ZNF75A: variants seen among roughly 807,000 people sequenced by gnomAD.
ZNF75A encodes the protein zinc finger protein 75A.
In ZNF75A, 36 loss-of-function variants were observed where a neutral mutation model predicts 46.3. That is an observed-to-expected ratio of 0.78 (90% CI 0.60 to 1.03). The LOEUF is 1.03. Among genes scored for constraint, ZNF75A ranks in the 50% least tolerant of loss-of-function variants. The pLI is 0.00. For missense variants in ZNF75A, 595 were observed against 551.3 expected, an observed-to-expected ratio of 1.08 and a Z score of -0.79; for synonymous variants, 234 against 189.9, an observed-to-expected ratio of 1.23 and a Z score of -1.91.
At chr16:3,306,215 A>G (rs1960219768) in intron 1 of ZNF75A, 1 of 152,170 alleles carries the variant, frequency 6.6e-6, no homozygotes, top group Non-Finnish European at 1.5e-5. Flanking sequence ...TTAGAAGTCT[A>G]AATGACCTTT....
intron 5 of ZNF75A, among the ~76,000 whole-genome samples, 180 bp downstream of exon 5, chr16:3,313,355 C>G (rs1960954776): frequency 6.6e-6 from 1 of 152,184 alleles, no homozygotes; most frequent in Non-Finnish European, 1.5e-5. Flanking sequence ...AATGTACATG[C>G]CGATTGCTTA....
intron 5 of ZNF75A, chr16:3,315,090 C>T (rs1403441115): frequency 2.0e-6 from 2 of 985,264 alleles, no homozygotes; most frequent in Non-Finnish European, 1.2e-6. Flanking sequence ...TGATCCCTTC[C>T]CTTTCCCTTT....
downstream of ZNF75A, among the ~76,000 whole-genome samples, chr16:3,321,309 A>G (rs1222836641): frequency 6.6e-6 from 1 of 152,158 alleles, no homozygotes; most frequent in Non-Finnish European, 1.5e-5. Flanking sequence ...TTATTTTAGC[A>G]TGTTCAGATA....
In ZNF75A at chr16:3,317,626, A is replaced by T. The variant is rs759296112; in HGVS notation, c.1371A>T (p.Pro457=). The change falls in exon 7 of 7, where the codon CCA becomes CCT. Residue 457 remains proline, a synonymous_variant. Coordinates refer to ENST00000669516, the MANE Select transcript of ZNF75A (RefSeq NM_001302109.2). ...KHLTTHQGIK[P]YKCSWCGKSF... ...TAACAACACACCAAGGAATAAAACC[A>T]TATAAATGTTCATGGTGTGGGAAAA... The T allele has an allele frequency of 6.2e-7, 1 of 1,614,066 alleles. No homozygotes were observed. The highest frequency in any genetic ancestry group is 1.3e-5 in the African/African-American group (1 of 74,940).
At position 3,313,263 on chromosome 16, in the gene ZNF75A, C is replaced by G. The variant is rs56997961; in HGVS notation, c.823+88C>G. On this transcript the variant is annotated intron_variant, in intron 5 of 6. Transcript: ENST00000669516. ...CCCCAGTGAGGGGTGTCTTACTGTTCCAGGAGCTGGTTGATTCTCATCTAG... is the reference window on the plus strand; with the variant it reads ...CCCCAGTGAGGGGTGTCTTACTGTTGCAGGAGCTGGTTGATTCTCATCTAG... 6.9e-3 allele frequency: 9,504 copies of G among 1,385,416 alleles called. 517 individuals are homozygous for G. In the African/African-American group the frequency reaches 0.12, roughly 17 times the overall value. 85.8% of individuals were successfully genotyped at this position (1,385,416 alleles called of 1,614,324 possible).
chr16:3,313,116 C>G lies in ZNF75A; in HGVS notation c.764C>G (p.Thr255Ser). The G allele has an allele frequency of 6.2e-7, 1 of 1,613,638 alleles. No homozygotes were observed. The highest frequency in any genetic ancestry group is 2.2e-5 in the East Asian group (1 of 44,886). The change falls in exon 5 of 7, where the codon ACT becomes AGT. Residue 255 changes from threonine (T) to serine (S), a missense_variant. Thr to Ser is a moderately conservative substitution (Grantham distance 58, BLOSUM62 1). Transcript: ENST00000669516. ...SQEEWELLDP[T>S]QKALYNDVMQ... is the part of the protein sequence containing the mutation. The stretch of plus-strand genomic sequence containing the variant: ...GAAGAATGGGAGTTATTGGATCCCA[C>G]TCAGAAGGCCCTCTACAATGATGTA...
rs1260450769 is a variant in ZNF75A at position 3,317,009 on chromosome 16, A to G, written c.921A>G (p.Gly307=). Reference sequence around the variant, plus strand: ...CCCCGGAGTTTAAGGATAGTGCCGGAAAATCTCCTACAGGTAAATATACCA... The same window carrying G: ...CCCCGGAGTTTAAGGATAGTGCCGGGAAATCTCCTACAGGTAAATATACCA... The part of the protein sequence containing the change: ...QVSPEFKDSA[G]KSPTGLKLKN... Residue 307 remains glycine (G), a synonymous_variant, in exon 6 of 7, where the codon GGA becomes GGG. Transcript: ENST00000669516. 4 of 1,613,698 alleles carry G rather than the reference A, an allele frequency of 2.5e-6. No homozygotes were observed. Among genetic ancestry groups the G allele is most frequent in the Non-Finnish European group, 3.4e-6 (4 of 1,179,638 alleles).
intron 2 of ZNF75A, chr16:3,310,593 C>T: frequency 1.1e-6 from 1 of 870,768 alleles, no homozygotes; most frequent in Non-Finnish European, 1.4e-6. Flanking sequence ...ACCACTGTAC[C>T]CCAGCCTGGG....
chr16:3,308,574 G>C lies in ZNF75A; in HGVS notation c.146G>C (p.Trp49Ser), dbSNP rs1291309084. ...TGTCTCGATCCTAAGAGCTCTTGCT[G>C]GCACTTCCGGAATTTCACCTATGAT... ...MDCLDPKSSC[W>S]HFRNFTYDEA... Residue 49 changes from tryptophan (W) to serine (S), a missense_variant, in exon 2 of 7, where the codon TGG (tryptophan) becomes TCG (serine). By Grantham distance (177) the Trp-to-Ser change is radical. Transcript: ENST00000669516. 1 of 985,918 alleles carries C rather than the reference G, an allele frequency of 1.0e-6. No homozygotes were observed. The highest frequency in any genetic ancestry group is 1.2e-6 in the Non-Finnish European group (1 of 829,994). The allele number at this position is 985,918 out of a possible 1,614,324, so 61.1% of individuals were successfully genotyped here.
chr16:3,321,165 T>TA (rs1290897076), downstream of ZNF75A, among the ~76,000 whole-genome samples: 2 of 152,216 alleles, frequency 1.3e-5, no homozygotes, highest in African/African-American at 4.8e-5. Flanking sequence ...AGGCTTGCTT[T>TA]AAAAATGAAA....
At chr16:3,320,528 G>A (rs956480288), downstream of ZNF75A, among the ~76,000 whole-genome samples, 11 of 152,220 alleles carry the variant, frequency 7.2e-5, no homozygotes, top group African/African-American at 2.7e-4. Context: ...TCCCAAGACT[G>A]TAGATGATAG....
intron 2 of ZNF75A, 30 bp from the exon 3 acceptor site, chr16:3,311,723 T>G (rs1308987846): frequency 3.8e-6 from 4 of 1,039,038 alleles, no homozygotes; most frequent in South Asian, 3.6e-5. Flanking sequence ...AAGTAAGTTC[T>G]GTGGTAACAA....
chr16:3,308,935 G>A (rs1960493156), intron 2 of ZNF75A, 99 bp downstream of exon 2: 1 of 794,200 alleles, frequency 1.3e-6, no homozygotes, highest in African/African-American at 1.9e-5. Flanking sequence ...GATTAGGTAG[G>A]TCATTGTTTG....
chr16:3,317,939 A>G lies in ZNF75A; in HGVS notation c.*70A>G. The G allele has an allele frequency of 2.7e-6, 4 of 1,501,174 alleles. No homozygotes were observed. Among genetic ancestry groups the G allele is most frequent in the Non-Finnish European group, 2.7e-6 (3 of 1,129,244 alleles). 93.0% of individuals were successfully genotyped at this position (1,501,174 alleles called of 1,614,324 possible). ...TGGAGCTTGGCACTAAAATTTATGTAAAAGAAAAATCACAAACCTTGAAAA... is the reference window on the plus strand; with the variant it reads ...TGGAGCTTGGCACTAAAATTTATGTGAAAGAAAAATCACAAACCTTGAAAA... On this transcript the variant is annotated 3_prime_UTR_variant, in exon 7 of 7. Transcript: ENST00000669516.
Position 3,317,889 on chromosome 16 carries a change from C to G in ZNF75A, c.*20C>G, listed in dbSNP as rs1296115807. 1 of 1,557,440 alleles carries G rather than the reference C, an allele frequency of 6.4e-7. No homozygotes were observed. The highest frequency in any genetic ancestry group is 1.4e-5 in the African/African-American group (1 of 72,612). Reference sequence around the variant, plus strand: ...CTGTGAAGAGAAGCTTGTCCAGTGTCCTCATTCTGAAGACATTCACCAAAT... The same window carrying G: ...CTGTGAAGAGAAGCTTGTCCAGTGTGCTCATTCTGAAGACATTCACCAAAT... On this transcript the variant is annotated 3_prime_UTR_variant, in exon 7 of 7. Transcript: ENST00000669516.
In ZNF75A at chr16:3,308,639, G is replaced by T; in HGVS notation, c.211G>T (p.Glu71Ter). 1 of 987,116 alleles carries T rather than the reference G, an allele frequency of 1.0e-6. No individual in the cohort carries two copies. The highest frequency in any genetic ancestry group is 4.6e-5 in the South Asian group (1 of 21,908). The allele number at this position is 987,116 out of a possible 1,614,324, so 61.1% of individuals were successfully genotyped here. A position where few individuals can be genotyped will look rare whatever the true frequency, so the allele number is the denominator to read the frequency against. Residue 71 changes from glutamate (E) to a stop codon, truncating the protein, a stop_gained, in exon 2 of 7, where the codon GAA becomes TAA. Coordinates refer to ENST00000669516, the MANE Select transcript of ZNF75A (RefSeq NM_001302109.2). LOFTEE classifies it high-confidence loss of function. ...GPREAVSKLQ[E>*]LCHLWLKPEI... The stretch of plus-strand genomic sequence containing the variant: ...CCGTGAGGCTGTCAGCAAACTTCAA[G>T]AATTATGTCATCTATGGCTGAAGCC...
At chr16:3,316,851 A>G (rs2150828193) in intron 5 of ZNF75A, 61 bp from the exon 6 acceptor site, 2 of 1,131,012 alleles carry the variant, frequency 1.8e-6, no homozygotes, top group East Asian at 2.4e-5. Context: ...ACAGTCTGGG[A>G]TTAGTGGACC....
At chr16:3,315,003 G>T (rs545085995) in intron 5 of ZNF75A, 33 of 985,018 alleles carry the variant, frequency 3.4e-5, no homozygotes, top group Non-Finnish European at 3.7e-5. Flanking sequence ...GTAGCGGAGG[G>T]TGTAGGTGGT....
Position 3,308,396 on chromosome 16 carries a change from T to C in ZNF75A, c.-33T>C, listed in dbSNP as rs980773847. 2.0e-5 allele frequency: 20 copies of C among 985,556 alleles called. No individual in the cohort carries two copies. Among genetic ancestry groups the C allele is most frequent in the Non-Finnish European group, 2.4e-5 (20 of 829,768 alleles). The allele number at this position is 985,556 out of a possible 1,614,324, so 61.1% of individuals were successfully genotyped here. A position where few individuals can be genotyped will look rare whatever the true frequency, so the allele number is the denominator to read the frequency against. ...TGTTAAACGTGGTACCAATTGGGTG[T>C]CTTAACACAGGAGCAGAACTTCCTA... On this transcript the variant is annotated 5_prime_UTR_variant, in exon 2 of 7. Coordinates refer to ENST00000669516, the MANE Select transcript of ZNF75A (RefSeq NM_001302109.2).
Sources: gnomAD v4.1 joint callset for allele counts (sites outside exome capture counted in the v4.1 genomes callset) on GRCh38, gnomAD v4.1.1 for gene constraint, MANE v1.5 for transcripts, NCBI Gene and HGNC (gene_info 2026-07-23, HGNC 2026-07-21) for gene names.